SLIT3: variants seen among roughly 807,000 people sequenced by gnomAD.
The protein encoded by SLIT3 is slit guidance ligand 3.
A neutral mutation model predicts 184.0 loss-of-function variants in SLIT3; 68 were observed. The ratio of observed to expected loss-of-function variants is 0.37; its 90% CI spans 0.30 to 0.45. SLIT3 has a LOEUF of 0.45. Ranked by LOEUF, SLIT3 falls within the 20% of genes least tolerant of loss-of-function variation. The probability of loss-of-function intolerance (pLI) is 1.00; values close to 1 mark genes in which losing one functional copy is unlikely to be tolerated. For missense variants in SLIT3, 1,707 were observed against 2,026.0 expected, an observed-to-expected ratio of 0.84 and a Z score of 3.02; for synonymous variants, 831 against 828.6, an observed-to-expected ratio of 1.00 and a Z score of -0.05.
Position 168,913,749 on chromosome 5 carries a change from A to AAC in SLIT3, c.414-30414_414-30413insGT, listed in dbSNP as rs1554159497. ...AGAGTAAAACTCCGTCTCAAAAAAAAAAACAAACAAACAAAAACAAACAAA... is the reference window on the plus strand; with the variant it reads ...AGAGTAAAACTCCGTCTCAAAAAAAAACAAACAAACAAACAAAAACAAACAAA... On this transcript the variant is annotated intron_variant, in intron 4 of 35. Coordinates refer to ENST00000519560, the MANE Select transcript of SLIT3 (RefSeq NM_003062.4). Among the ~76,000 whole-genome samples, 7 of 151,560 alleles carry AAC rather than the reference A, an allele frequency of 4.6e-5. 2 individuals carry two copies. The highest frequency in any genetic ancestry group is 4.6e-4 in the Admixed American group (7 of 15,160).
At chr5:169,092,991 A>G (rs1759647481) in intron 4 of SLIT3, among the ~76,000 whole-genome samples, 1 of 152,204 alleles carries the variant, frequency 6.6e-6, no homozygotes, top group African/African-American at 2.4e-5. Context: ...TGTTTTATCC[A>G]GGGCGGAGTT....
intron 1 of SLIT3, chr5:169,263,693 C>G (rs184601084): frequency 2.0e-6 from 1 of 511,586 alleles, no homozygotes; most frequent in African/African-American, 2.0e-5. Flanking sequence ...ACAGACACCC[C>G]ACACTCCCCC....
Position 168,671,466 on chromosome 5 carries a change from C to T in SLIT3, c.3859G>A (p.Gly1287Ser), listed in dbSNP as rs199921593. The T allele has an allele frequency of 1.3e-4, 211 of 1,611,010 alleles. 1 individual carries two copies. Among genetic ancestry groups the T allele is most frequent in the Middle Eastern group, 1.7e-4 (1 of 6,036 alleles). Residue 1287 changes from glycine to serine, a missense_variant, in exon 34 of 36, where the codon GGC (glycine) becomes AGC (serine). By Grantham distance (56) the Gly-to-Ser change is moderately conservative. Transcript: ENST00000519560. ...LYLGGIPTSTGLSALRQGTDR... is the reference protein window; with the variant it reads ...LYLGGIPTSTSLSALRQGTDR... ...GTGCCCTGGCGCAAGGCAGAGAGGCCGGTGGAGGTGGGGATGCCTGTGGGA... is the reference window on the plus strand; with the variant it reads ...GTGCCCTGGCGCAAGGCAGAGAGGCTGGTGGAGGTGGGGATGCCTGTGGGA...
chr5:168,812,283 T>C (rs1005569811), intron 8 of SLIT3, among the ~76,000 whole-genome samples: 1 of 152,236 alleles, frequency 6.6e-6, no homozygotes, highest in African/African-American at 2.4e-5. Context: ...TGTGGTGTTC[T>C]AGTGCCCAGT....
At chr5:168,796,191 C>T (rs1005729521) in intron 9 of SLIT3, among the ~76,000 whole-genome samples, 1 of 152,086 alleles carries the variant, frequency 6.6e-6, no homozygotes, top group African/African-American at 2.4e-5. Flanking sequence ...GGACCACTCC[C>T]CGGGTCTGCT....
chr5:168,818,436 C>T (rs1001862425), intron 7 of SLIT3, among the ~76,000 whole-genome samples: 6 of 152,182 alleles, frequency 3.9e-5, no homozygotes, highest in Admixed American at 6.5e-5. Flanking sequence ...AGGCAAACTA[C>T]GGATATTCCA....
At chr5:169,086,230 G>T (rs1267766814) in intron 4 of SLIT3, among the ~76,000 whole-genome samples, 2 of 152,212 alleles carry the variant, frequency 1.3e-5, no homozygotes, top group Admixed American at 1.3e-4. Flanking sequence ...AAATATAAAT[G>T]ACTTGCAAGA....
intron 4 of SLIT3, among the ~76,000 whole-genome samples, chr5:168,919,638 T>C (rs1464784049): frequency 6.9e-6 from 1 of 144,708 alleles, no homozygotes; most frequent in Non-Finnish European, 1.5e-5. Flanking sequence ...TAATATGTAA[T>C]TTTTTTAAAA....
At position 168,722,274 on chromosome 5, in the gene SLIT3, A is replaced by T; in HGVS notation, c.2465T>A (p.Leu822Gln). The T allele has an allele frequency of 6.2e-7, 1 of 1,614,136 alleles. No homozygotes were observed. The highest frequency in any genetic ancestry group is 8.5e-7 in the Non-Finnish European group (1 of 1,180,018). Residue 822 changes from leucine (L) to glutamine (Q), a missense_variant, in exon 23 of 36, where the codon CTG becomes CAG. Coordinates refer to ENST00000519560, the MANE Select transcript of SLIT3 (RefSeq NM_003062.4). ...RCIPVHAFNG[L>Q]RSLRVLTLHG... is the part of the protein sequence containing the mutation. ...TACTCACAGCACTCGCAGGGACCGC[A>T]GCCCGTTGAAGGCGTGGACGGGGAT...
chr5:168,737,312 G>C (rs1385733286), intron 20 of SLIT3, among the ~76,000 whole-genome samples: 1 of 152,090 alleles, frequency 6.6e-6, no homozygotes, highest in Non-Finnish European at 1.5e-5. Context: ...ACAGTGCCAG[G>C]CCAGGTCCTT....
chr5:169,018,299 A>T (rs2113480704), intron 4 of SLIT3: 1 of 152,368 alleles, frequency 6.6e-6, no homozygotes, highest in Non-Finnish European at 1.5e-5. Flanking sequence ...AGCCGGCGCA[A>T]GCCCCTTCCA....
chr5:168,990,305 A>C (rs932788123), intron 4 of SLIT3, among the ~76,000 whole-genome samples: 1 of 152,222 alleles, frequency 6.6e-6, no homozygotes, highest in African/African-American at 2.4e-5. Flanking sequence ...TGAGGGTGGG[A>C]CAGGGTAAGA....
chr5:169,209,840 A>G (rs1389132390), intron 3 of SLIT3, among the ~76,000 whole-genome samples: 3 of 152,110 alleles, frequency 2.0e-5, no homozygotes, highest in Non-Finnish European at 2.9e-5. Context: ...GAAATACCCA[A>G]TGTAGAAGAT....
chr5:168,901,800 C>A (rs572147583), intron 4 of SLIT3, among the ~76,000 whole-genome samples: 37 of 152,194 alleles, frequency 2.4e-4, no homozygotes, highest in Non-Finnish European at 4.4e-4. Context: ...GGTGGAGCAG[C>A]TGATCTGGCT....
At position 168,836,952 on chromosome 5, in the gene SLIT3, GA is replaced by G. The variant is rs574740664; in HGVS notation, c.557+7631del. Among the ~76,000 whole-genome samples, 1,424 of 149,666 alleles carry G rather than the reference GA, an allele frequency of 9.5e-3. 23 individuals are homozygous for G. Among genetic ancestry groups the G allele is most frequent in the African/African-American group, 0.033 (1,342 of 40,820 alleles). Reference sequence around the variant, plus strand: ...GGTGAAAGTGCTACTTACTTAAATGGAAAAAAAAAATTTAGATTTCAAAGTA... The same window carrying G: ...GGTGAAAGTGCTACTTACTTAAATGGAAAAAAAAATTTAGATTTCAAAGTA... On this transcript the variant is annotated intron_variant, in intron 6 of 35. Transcript: ENST00000519560.
rs532615341 is a variant in SLIT3, at chr5:168,958,069, T to A, written c.414-74733A>T. On this transcript the variant is annotated intron_variant, in intron 4 of 35. Coordinates refer to ENST00000519560, the MANE Select transcript of SLIT3 (RefSeq NM_003062.4). ...GTTGCCTTCATACCTGCCACTAAGA[T>A]AACTCCAGTATATTGAGTGGATAGA... Among the ~76,000 whole-genome samples, 323 of 152,374 alleles carry A rather than the reference T, an allele frequency of 2.1e-3. 1 individual carries two copies. The highest frequency in any genetic ancestry group is 7.5e-3 in the African/African-American group (310 of 41,586).
At chr5:168,752,643 C>T (rs1353977035) in intron 18 of SLIT3, 2 of 297,786 alleles carry the variant, frequency 6.7e-6, no homozygotes, top group Admixed American at 4.6e-5. Context: ...GATCCACCCA[C>T]CTCAGCCTCC....
At chr5:168,932,998 T>C (rs1762042008) in intron 4 of SLIT3, among the ~76,000 whole-genome samples, 1 of 152,148 alleles carries the variant, frequency 6.6e-6, no homozygotes, top group South Asian at 2.1e-4. Flanking sequence ...CTGGCAAGCA[T>C]ACCAGGGAAA....
chr5:168,868,747 C>CAAAAAAAAA (rs375837097), intron 5 of SLIT3, among the ~76,000 whole-genome samples: 8 of 69,296 alleles, frequency 1.2e-4, no homozygotes, highest in East Asian at 4.4e-4. Flanking sequence ...GAATCTGCCT[C>CAAAAAAAAA]AAAAAAAAAA....
Sources: gnomAD v4.1 joint callset for allele counts (sites outside exome capture counted in the v4.1 genomes callset) on GRCh38, gnomAD v4.1.1 for gene constraint, MANE v1.5 for transcripts, NCBI Gene and HGNC (gene_info 2026-07-23, HGNC 2026-07-21) for gene names.